XYLT1: variants seen among roughly 807,000 people sequenced by gnomAD.
XYLT1 encodes beta-D-xylosyltransferase 1.
Under a neutral mutation model 91.3 loss-of-function variants are expected in XYLT1, and 36 were observed. The observed-to-expected ratio is 0.39, with a 90% CI of 0.30 to 0.52. XYLT1 has a LOEUF of 0.52. XYLT1 is among the 20% of genes least tolerant of loss of function. The pLI, the probability that XYLT1 is intolerant of heterozygous loss-of-function variation, is 0.68. For missense variants in XYLT1, 1,242 were observed against 1,284.5 expected, an observed-to-expected ratio of 0.97 and a Z score of 0.51; for synonymous variants, 588 against 532.0, an observed-to-expected ratio of 1.11 and a Z score of -1.45.
At chr16:17,367,161 G>T (rs550592197) in intron 1 of XYLT1, among the ~76,000 whole-genome samples, 3 of 152,172 alleles carry the variant, frequency 2.0e-5, no homozygotes, top group Admixed American at 2.0e-4. Flanking sequence ...GAGTGGGTGG[G>T]CCACCAATGT....
At chr16:17,384,204 C>T (rs1567403383) in intron 1 of XYLT1, among the ~76,000 whole-genome samples, 1 of 151,762 alleles carries the variant, frequency 6.6e-6, no homozygotes, top group Non-Finnish European at 1.5e-5. Flanking sequence ...AAAGCAGTTC[C>T]AGCCCTGGGC....
chr16:17,322,299 C>A (rs2034735722), intron 2 of XYLT1, among the ~76,000 whole-genome samples: 1 of 152,194 alleles, frequency 6.6e-6, no homozygotes, highest in African/African-American at 2.4e-5. Flanking sequence ...ACCTCCTAAG[C>A]CTCACAGTAC....
At chr16:17,170,245 C>T (rs542943859) in intron 5 of XYLT1, among the ~76,000 whole-genome samples, 1 of 152,302 alleles carries the variant, frequency 6.6e-6, no homozygotes, top group Admixed American at 6.5e-5. Context: ...AGTTTCCTAC[C>T]AAGCTGTGAC....
intron 2 of XYLT1, among the ~76,000 whole-genome samples, chr16:17,332,971 G>A (rs541355983): frequency 2.0e-5 from 3 of 152,278 alleles, no homozygotes; most frequent in Admixed American, 6.5e-5. Context: ...AAGAGGTGAC[G>A]GCACAGGCAA....
At chr16:17,189,384 AC>A (rs2032259137) in intron 5 of XYLT1, among the ~76,000 whole-genome samples, 1 of 151,912 alleles carries the variant, frequency 6.6e-6, no homozygotes, top group African/African-American at 2.4e-5. Flanking sequence ...CAGATCTACA[AC>A]CCCCCATGGC....
At chr16:17,197,665 G>A (rs974724683) in intron 5 of XYLT1, among the ~76,000 whole-genome samples, 1 of 152,184 alleles carries the variant, frequency 6.6e-6, no homozygotes, top group East Asian at 1.9e-4. Flanking sequence ...TAAGCTGGCT[G>A]AGTCTCCCAT....
intron 10 of XYLT1, among the ~76,000 whole-genome samples, chr16:17,123,525 G>T (rs1477559231): frequency 6.6e-6 from 1 of 152,130 alleles, no homozygotes; most frequent in Non-Finnish European, 1.5e-5. Flanking sequence ...ATTCCACTGT[G>T]GTCTGAGAGA....
At chr16:17,430,200 G>A (rs1035913572) in intron 1 of XYLT1, among the ~76,000 whole-genome samples, 1 of 152,058 alleles carries the variant, frequency 6.6e-6, no homozygotes, top group Non-Finnish European at 1.5e-5. Context: ...GCCTCCCAAA[G>A]TGCTGGGATT....
intron 2 of XYLT1, among the ~76,000 whole-genome samples, chr16:17,275,700 C>T (rs945994789): frequency 6.6e-6 from 1 of 152,162 alleles, no homozygotes; most frequent in Non-Finnish European, 1.5e-5. Flanking sequence ...GATTCAACTC[C>T]CAGGAAGCCC....
At chr16:17,161,452 G>C (rs1207595134) in intron 5 of XYLT1, among the ~76,000 whole-genome samples, 1 of 152,100 alleles carries the variant, frequency 6.6e-6, no homozygotes, top group African/African-American at 2.4e-5. Context: ...CCTTGCTAGG[G>C]TCTCGGGCCC....
intron 5 of XYLT1, among the ~76,000 whole-genome samples, chr16:17,170,124 T>C (rs1361704903): frequency 6.6e-6 from 1 of 152,202 alleles, no homozygotes; most frequent in African/African-American, 2.4e-5. Context: ...GTGGGTATGG[T>C]ACATGCAGTG....
At chr16:17,409,618 C>T (rs1391246892) in intron 1 of XYLT1, among the ~76,000 whole-genome samples, 5 of 145,636 alleles carry the variant, frequency 3.4e-5, no homozygotes, top group Non-Finnish European at 4.5e-5. Context: ...GACGTGATCT[C>T]GGCTCACTGC....
intron 1 of XYLT1, among the ~76,000 whole-genome samples, chr16:17,396,994 A>G (rs1385137332): frequency 2.0e-5 from 3 of 152,192 alleles, no homozygotes; most frequent in Non-Finnish European, 4.4e-5. Context: ...ATTTGTTTAC[A>G]TGTTATCTCT....
At position 17,103,360 on chromosome 16, in the gene XYLT1, C is replaced by A. The variant is rs1039785744; in HGVS notation, c.*5335G>T. ...GTTGGCTGAGCTTTAGATGAGCACCCAAGCCTTCATTTTGCCCATAGGAAA... is the reference window on the plus strand; with the variant it reads ...GTTGGCTGAGCTTTAGATGAGCACCAAAGCCTTCATTTTGCCCATAGGAAA... On this transcript the variant is annotated 3_prime_UTR_variant, in exon 12 of 12. Transcript: ENST00000261381. 1 of 152,586 alleles carries A rather than the reference C, an allele frequency of 6.6e-6. No individual in the cohort carries two copies. The highest frequency in any genetic ancestry group is 1.5e-5 in the Non-Finnish European group (1 of 68,032). 9.5% of individuals were successfully genotyped at this position (152,586 alleles called of 1,614,324 possible). A position where few individuals can be genotyped will look rare whatever the true frequency, so the allele number is the denominator to read the frequency against.
chr16:17,251,363 C>A (rs905042777), intron 3 of XYLT1: 3 of 152,334 alleles, frequency 2.0e-5, no homozygotes, highest in African/African-American at 7.2e-5. Context: ...CACTCAGATG[C>A]CCAGACCGGG....
chr16:17,297,676 T>C (rs2141806729), intron 2 of XYLT1, among the ~76,000 whole-genome samples: 1 of 152,182 alleles, frequency 6.6e-6, no homozygotes, highest in South Asian at 2.1e-4. Flanking sequence ...TGAGCCATGA[T>C]CATGCCACTG....
intron 1 of XYLT1, among the ~76,000 whole-genome samples, chr16:17,414,293 CTTTA>C (rs2036152660): frequency 6.6e-6 from 1 of 152,140 alleles, no homozygotes; most frequent in African/African-American, 2.4e-5. Context: ...ACCCAGACAC[CTTTA>C]TTTACTTATT....
chr16:17,371,037 C>A (rs2035525450), intron 1 of XYLT1, among the ~76,000 whole-genome samples: 1 of 152,136 alleles, frequency 6.6e-6, no homozygotes, highest in Admixed American at 6.5e-5. Context: ...AGCTGGAGGA[C>A]CTGAGGTTAG....
chr16:17,402,006 A>G (rs1163483044), intron 1 of XYLT1, among the ~76,000 whole-genome samples: 1 of 152,144 alleles, frequency 6.6e-6, no homozygotes, highest in Non-Finnish European at 1.5e-5. Flanking sequence ...AAAGCTTTAA[A>G]AGTGTTTCTA....
Sources: allele counts gnomAD v4.1 joint callset (sites outside exome capture counted in the v4.1 genomes callset), GRCh38; gene constraint gnomAD v4.1.1; transcripts MANE v1.5; gene names NCBI Gene and HGNC (gene_info 2026-07-23, HGNC 2026-07-21).